Variants in PDE1C observed in about 807,000 individuals in gnomAD.
The protein encoded by PDE1C is phosphodiesterase 1C.
A neutral mutation model predicts 93.1 loss-of-function variants in PDE1C; 62 were observed. The observed-to-expected ratio is 0.67, with a 90% CI of 0.54 to 0.82. PDE1C has a LOEUF of 0.82. Ranked by LOEUF, PDE1C falls within the 40% of genes least tolerant of loss-of-function variation. The pLI, the probability that PDE1C is intolerant of heterozygous loss-of-function variation, is 0.00. For synonymous variants in PDE1C, 325 were observed against 310.1 expected (o/e 1.05, Z -0.50); for missense variants, 742 against 884.6 (o/e 0.84, Z 2.04).
intron 1 of PDE1C, among the ~76,000 whole-genome samples, chr7:32,344,663 C>T (rs770367765): frequency 2.0e-5 from 3 of 152,100 alleles, no homozygotes; most frequent in Non-Finnish European, 2.9e-5. Flanking sequence ...CTCCAGCATC[C>T]CCAGTCCTCC....
intron 7 of PDE1C, among the ~76,000 whole-genome samples, chr7:31,858,909 T>G (rs944141083): frequency 6.6e-6 from 1 of 151,796 alleles, no homozygotes; most frequent in African/African-American, 2.4e-5. Flanking sequence ...AATTTACTAG[T>G]ATTAACAATA....
intron 2 of PDE1C, among the ~76,000 whole-genome samples, chr7:32,023,076 A>T (rs1458482290): frequency 2.0e-5 from 3 of 151,912 alleles, no homozygotes; most frequent in Non-Finnish European, 2.9e-5. Context: ...TGGCCAACCA[A>T]TTTGTCAGTG....
At chr7:31,716,467 G>A in the PDE1C span, among the ~76,000 whole-genome samples, 1 of 152,068 alleles carries the variant, frequency 6.6e-6, no homozygotes, top group Non-Finnish European at 1.5e-5. Flanking sequence ...AGATACTATA[G>A]TATCTAATAC....
the PDE1C span, among the ~76,000 whole-genome samples, chr7:31,663,930 G>GC: frequency 2.9e-3 from 444 of 152,078 alleles, 1 homozygote; most frequent in African/African-American, 0.01. Context: ...TTCTGATATT[G>GC]CCCCACAGTT....
chr7:31,980,120 G>C (rs1812186175), intron 2 of PDE1C, among the ~76,000 whole-genome samples: 1 of 152,198 alleles, frequency 6.6e-6, no homozygotes, highest in Admixed American at 6.5e-5. Context: ...TGGTCTTCCA[G>C]CCAAACTGTT....
chr7:32,207,036 C>T (rs540959905), intron 2 of PDE1C, among the ~76,000 whole-genome samples: 2 of 152,292 alleles, frequency 1.3e-5, no homozygotes, highest in African/African-American at 4.8e-5. Flanking sequence ...TAGGCAGATG[C>T]TCTAACTGAA....
intron 3 of PDE1C, among the ~76,000 whole-genome samples, chr7:32,164,072 C>T (rs1026845249): frequency 1.3e-5 from 2 of 152,184 alleles, no homozygotes; most frequent in African/African-American, 4.8e-5. Context: ...TGTGGGATTC[C>T]AAAGCCCATG....
chr7:31,760,716 G>GA (rs35712889), intron 17 of PDE1C, among the ~76,000 whole-genome samples: 173 of 150,450 alleles, frequency 1.1e-3, no homozygotes, highest in Admixed American at 2.0e-3. Context: ...ATGACATTTG[G>GA]AAAAAGCACT....
At chr7:31,764,624 T>C (rs1795029397) in intron 17 of PDE1C, among the ~76,000 whole-genome samples, 1 of 152,232 alleles carries the variant, frequency 6.6e-6, no homozygotes, top group Non-Finnish European at 1.5e-5. Flanking sequence ...TTGCGTTTAT[T>C]ATGCCGAGTC....
At chr7:31,821,237 T>C (rs1304132009) in intron 14 of PDE1C, among the ~76,000 whole-genome samples, 1 of 152,170 alleles carries the variant, frequency 6.6e-6, no homozygotes, top group Non-Finnish European at 1.5e-5. Context: ...AACTTCTTTG[T>C]GCTTCCAAAA....
chr7:32,425,037 A>G (rs1473103489), intron 1 of PDE1C, among the ~76,000 whole-genome samples: 1 of 152,098 alleles, frequency 6.6e-6, no homozygotes, highest in Admixed American at 6.6e-5. Context: ...TAATAAAAGC[A>G]TCCATCCCAC....
intron 2 of PDE1C, among the ~76,000 whole-genome samples, chr7:32,017,930 A>T (rs567506575): frequency 6.6e-6 from 1 of 151,818 alleles, no homozygotes; most frequent in African/African-American, 2.4e-5. Flanking sequence ...AATAAGAAAA[A>T]TTAGCTGGGT....
chr7:31,992,102 G>T (rs940369202), intron 2 of PDE1C, among the ~76,000 whole-genome samples: 5 of 152,230 alleles, frequency 3.3e-5, no homozygotes, highest in South Asian at 2.1e-4. Context: ...AGAATGACTT[G>T]TTCCCCAGTG....
intron 1 of PDE1C, among the ~76,000 whole-genome samples, chr7:32,386,041 T>A (rs531479916): frequency 5.8e-4 from 88 of 151,462 alleles, no homozygotes; most frequent in African/African-American, 2.1e-3. Context: ...ATGCCCTTAC[T>A]GACTCAGCTC....
chr7:31,809,346 C>G (rs1003065690), intron 15 of PDE1C, among the ~76,000 whole-genome samples: 1 of 152,052 alleles, frequency 6.6e-6, no homozygotes, highest in African/African-American at 2.4e-5. Flanking sequence ...ATGTGCTTAT[C>G]TTCTAAGAGA....
Position 31,899,830 on chromosome 7 carries a change from G to A in PDE1C, c.129-18970C>T, listed in dbSNP as rs1033834366. ...GTTCCCCATTATAGTCTCATGGTAA[G>A]GGAGTGATTCTCAAGGGGGGTTGCA... is the stretch of plus-strand genomic sequence containing the variant. On this transcript the variant is annotated intron_variant, in intron 2 of 17. Coordinates refer to ENST00000396191, the MANE Select transcript of PDE1C (RefSeq NM_001191057.4). Among the ~76,000 whole-genome samples the A allele has an allele frequency of 2.6e-5, 4 of 152,168 alleles. No homozygotes were observed. The East Asian group carries it at 5.8e-4, about 22-fold the overall frequency.
intron 2 of PDE1C, among the ~76,000 whole-genome samples, chr7:31,884,460 A>G (rs762348317): frequency 6.6e-6 from 1 of 152,208 alleles, no homozygotes; most frequent in Non-Finnish European, 1.5e-5. Context: ...GACTACAAGA[A>G]CTTATTGTTA....
At chr7:31,987,013 G>A (rs1337147560) in intron 2 of PDE1C, among the ~76,000 whole-genome samples, 1 of 151,726 alleles carries the variant, frequency 6.6e-6, no homozygotes, top group Non-Finnish European at 1.5e-5. Flanking sequence ...CCAAACATAT[G>A]GTCAATGCTG....
At chr7:32,139,093 T>C (rs1398388500) in intron 3 of PDE1C, among the ~76,000 whole-genome samples, 1 of 152,124 alleles carries the variant, frequency 6.6e-6, no homozygotes, top group Non-Finnish European at 1.5e-5. Flanking sequence ...CCAGAAACTA[T>C]TCAGATACCT....
Sources: gnomAD v4.1 joint callset for allele counts (sites outside exome capture counted in the v4.1 genomes callset) on GRCh38, gnomAD v4.1.1 for gene constraint, MANE v1.5 for transcripts, NCBI Gene and HGNC (gene_info 2026-07-23, HGNC 2026-07-21) for gene names.